Variants in STK40 observed in about 807,000 individuals in gnomAD.
The protein encoded by STK40 is serine/threonine kinase 40.
Under a neutral mutation model 47.9 loss-of-function variants are expected in STK40, and 13 were observed. That is an observed-to-expected ratio of 0.27 (90% CI 0.18 to 0.43). The LOEUF (loss-of-function observed/expected upper bound fraction) is 0.43, where lower values mean the gene tolerates loss of function less well. STK40 is among the 20% of genes least tolerant of loss of function. The pLI, the probability that STK40 is intolerant of heterozygous loss-of-function variation, is 1.00. For synonymous variants in STK40, 225 were observed against 243.2 expected, an observed-to-expected ratio of 0.93 and a Z score of 0.69; for missense variants, 460 against 595.1, an observed-to-expected ratio of 0.77 and a Z score of 2.36.
chr1:36,347,002 G>A (rs1022361460), intron 7 of STK40, among the ~76,000 whole-genome samples: 2 of 152,186 alleles, frequency 1.3e-5, no homozygotes, highest in Non-Finnish European at 2.9e-5. Context: ...TATACCCCTG[G>A]CACCCAGTTC....
At chr1:36,346,159 T>TA (rs1475446416) in intron 7 of STK40, among the ~76,000 whole-genome samples, 13 of 150,858 alleles carry the variant, frequency 8.6e-5, no homozygotes, top group Non-Finnish European at 1.5e-5. Flanking sequence ...CACGCCCGGC[T>TA]AATTTTTTTT....
At chr1:36,351,155 C>T (rs1646749355) in intron 6 of STK40, among the ~76,000 whole-genome samples, 1 of 151,968 alleles carries the variant, frequency 6.6e-6, no homozygotes, top group Admixed American at 6.5e-5. Flanking sequence ...TGTTGCTTGC[C>T]TACCAAAAAG....
Position 36,361,278 on chromosome 1 carries a change from C to G in STK40, c.55G>C (p.Ala19Pro). ...GAGETSARAK[A>P]LGSGISGNNA... ...TTTCCAGAAATCCCACTTCCTAGAG[C>G]CTTGGCCCTGGCCGACGTTTCCCCA... Residue 19 changes from alanine (A) to proline (P), a missense_variant, in exon 2 of 11, where the codon GCT becomes CCT. Physicochemically the swap from Ala to Pro is conservative, Grantham distance 27. Around this residue, in one of 3 missense-constraint regions of STK40, gnomAD observed 277 missense variants for 358.7 expected, o/e 0.77. Transcript: ENST00000373132. 1 of 1,614,258 alleles carries G rather than the reference C, an allele frequency of 6.2e-7. No individual in the cohort carries two copies. Among genetic ancestry groups the G allele is most frequent in the East Asian group, 2.2e-5 (1 of 44,892 alleles).
In STK40 at chr1:36,344,091, C is replaced by T. The variant is rs775269603; in HGVS notation, c.884+29G>A. The T allele has an allele frequency of 4.3e-5, 68 of 1,580,870 alleles. 5 individuals carry two copies. In the South Asian group the frequency reaches 7.3e-4, roughly 17 times the overall value. On this transcript the variant is annotated intron_variant, in intron 8 of 10. Transcript: ENST00000373132. ...CCTTAAGCCCATCAGGCTGGCTGCC[C>T]CCCCCACCCCCCGGGAGGCAGGACT...
intron 1 of STK40, among the ~76,000 whole-genome samples, chr1:36,363,880 G>A (rs1646877257): frequency 6.9e-6 from 1 of 145,296 alleles, no homozygotes; most frequent in Middle Eastern, 4.0e-3. Context: ...AGCCAAGCGC[G>A]GTGGCTCACA....
intron 6 of STK40, among the ~76,000 whole-genome samples, chr1:36,352,481 C>A (rs978426826): frequency 6.6e-6 from 1 of 152,124 alleles, no homozygotes; most frequent in Non-Finnish European, 1.5e-5. Flanking sequence ...ACCCAGAGGA[C>A]CACACTCTCA....
intron 2 of STK40, among the ~76,000 whole-genome samples, chr1:36,360,989 A>G (rs1259256242): frequency 6.6e-6 from 1 of 152,198 alleles, no homozygotes; most frequent in Non-Finnish European, 1.5e-5. Context: ...TGGTATGGCT[A>G]AAACACTGAC....
intron 10 of STK40, 141 bp from the exon 11 acceptor site, chr1:36,342,114 CG>C (rs1368809616): frequency 7.4e-6 from 6 of 812,118 alleles, no homozygotes; most frequent in Non-Finnish European, 1.2e-5. Context: ...GCCTCAAGGC[CG>C]GGGGTGGGAG....
chr1:36,343,272 C>A (rs771125034), intron 10 of STK40, 92 bp downstream of exon 10: 1 of 1,355,180 alleles, frequency 7.4e-7, no homozygotes, highest in Non-Finnish European at 1.0e-6. Context: ...CTGTGGCCTG[C>A]GGGTAGCTGC....
intron 10 of STK40, 45 bp downstream of exon 10, chr1:36,343,319 G>A (rs377343543): frequency 1.1e-5 from 18 of 1,588,262 alleles, no homozygotes; most frequent in Admixed American, 5.2e-5. Context: ...CCAGAAGCCT[G>A]TCCCTTGGGG....
At chr1:36,363,814 C>CA (rs1319661356) in intron 1 of STK40, among the ~76,000 whole-genome samples, 1,759 of 54,998 alleles carry the variant, frequency 0.032, 18 homozygotes, top group African/African-American at 0.078. Flanking sequence ...GACTCTGTCT[C>CA]AAAAAAAAAA....
At chr1:36,346,582 A>C (rs1234117710) in intron 7 of STK40, among the ~76,000 whole-genome samples, 1 of 152,204 alleles carries the variant, frequency 6.6e-6, no homozygotes. Context: ...TGAAGTCAGA[A>C]GGAGATTGGA....
intron 4 of STK40, among the ~76,000 whole-genome samples, chr1:36,357,593 C>CAA (rs548177077): frequency 6.7e-6 from 1 of 148,492 alleles, no homozygotes; most frequent in Non-Finnish European, 1.5e-5. Flanking sequence ...GTAAATGTCT[C>CAA]AAAAAAAAAA....
chr1:36,353,505 G>A (rs146382205), intron 6 of STK40, among the ~76,000 whole-genome samples: 10 of 152,314 alleles, frequency 6.6e-5, no homozygotes, highest in African/African-American at 1.9e-4. Context: ...AGGGTGGGCC[G>A]CCAGATCCCC....
At position 36,358,819 on chromosome 1, in the gene STK40, G is replaced by T. The variant is rs570552548; in HGVS notation, c.116C>A (p.Pro39His). The T allele has an allele frequency of 1.2e-5, 19 of 1,614,060 alleles. No homozygotes were observed. Among genetic ancestry groups the T allele is most frequent in the Non-Finnish European group, 1.5e-5 (18 of 1,180,002 alleles). ...TGGCACCGGTGAGTTGCCCAGACGG[G>T]GACCTACGGCACAGAGAGCTGCTGG... ...AKRAGPFILGPRLGNSPVPSI... is the reference protein window; with the variant it reads ...AKRAGPFILGHRLGNSPVPSI... The change falls in exon 3 of 11, where the codon CCC becomes CAC. Residue 39 changes from proline (P) to histidine (H), a missense_variant. Pro to His is a moderately conservative substitution (Grantham distance 77, BLOSUM62 -2). Coordinates refer to ENST00000373132, the MANE Select transcript of STK40 (RefSeq NM_001282547.2).
At chr1:36,364,210 T>A (rs1430425161) in intron 1 of STK40, among the ~76,000 whole-genome samples, 1 of 152,184 alleles carries the variant, frequency 6.6e-6, no homozygotes, top group Non-Finnish European at 1.5e-5. Context: ...TCTGTCTCCC[T>A]CTGGATAAAT....
intron 1 of STK40, among the ~76,000 whole-genome samples, chr1:36,364,085 A>G (rs1268441215): frequency 6.6e-6 from 1 of 152,072 alleles, no homozygotes; most frequent in Non-Finnish European, 1.5e-5. Context: ...CAGGAGGCGG[A>G]GCTTGCAGTG....
At chr1:36,365,021 C>T (rs1646889392) in intron 1 of STK40, among the ~76,000 whole-genome samples, 2 of 137,902 alleles carry the variant, frequency 1.5e-5, no homozygotes, top group African/African-American at 2.9e-5. Flanking sequence ...GACGGAGTCT[C>T]GCTCTTGTTG....
Position 36,339,685 on chromosome 1 carries a change from AAT to A in STK40, c.*2068_*2069del, listed in dbSNP as rs1462411806. 1.3e-5 allele frequency: 2 copies of A among 152,666 alleles called. No individual in the cohort carries two copies. Among genetic ancestry groups the A allele is most frequent in the Non-Finnish European group, 2.9e-5 (2 of 68,054 alleles). The allele number at this position is 152,666 out of a possible 1,614,324, so 9.5% of individuals were successfully genotyped here. ...AGGAAGAGTCCCCATGTAGTACAAA[AAT>A]ATGTCTTTATACAAACTTTTTTGTG... On this transcript the variant is annotated 3_prime_UTR_variant, in exon 11 of 11. Transcript: ENST00000373132.
Sources: gnomAD v4.1 joint callset for allele counts (sites outside exome capture counted in the v4.1 genomes callset) on GRCh38, gnomAD v4.1.1 for gene constraint, gnomAD v4.1.1 regional missense constraint, MANE v1.5 for transcripts, NCBI Gene and HGNC (gene_info 2026-07-23, HGNC 2026-07-21) for gene names.